ABCA12: variants seen among roughly 807,000 people sequenced by gnomAD.
The protein encoded by ABCA12 is ATP binding cassette subfamily A member 12.
In ABCA12, 156 loss-of-function variants were observed where a neutral mutation model predicts 293.5. The ratio of observed to expected loss-of-function variants is 0.53; its 90% confidence interval spans 0.47 to 0.61. The LOEUF (loss-of-function observed/expected upper bound fraction) is 0.61. ABCA12 is among the 20% of genes least tolerant of loss of function. The pLI is 0.00. For missense variants in ABCA12, 2,797 were observed against 3,090.2 expected (o/e 0.91, Z 2.25); for synonymous variants, 1,063 against 1,108.0 (o/e 0.96, Z 0.81).
chr2:215,071,804 C>T (rs1421933074), intron 2 of ABCA12, among the ~76,000 whole-genome samples: 3 of 152,228 alleles, frequency 2.0e-5, no homozygotes, highest in East Asian at 3.8e-4. Context: ...CTGGCTGTGG[C>T]TTCTCTGCTC....
intron 8 of ABCA12, among the ~76,000 whole-genome samples, chr2:215,033,913 C>G (rs1395549642): frequency 6.6e-6 from 1 of 151,860 alleles, no homozygotes; most frequent in Non-Finnish European, 1.5e-5. Context: ...TGCACTCCAA[C>G]CTGGGCGACG....
At chr2:214,987,029 C>T (rs912426363) in intron 27 of ABCA12, among the ~76,000 whole-genome samples, 1 of 152,074 alleles carries the variant, frequency 6.6e-6, no homozygotes, top group African/African-American at 2.4e-5. Flanking sequence ...AAAGATATGT[C>T]TAAGGCTTGG....
intron 2 of ABCA12, among the ~76,000 whole-genome samples, chr2:215,067,886 T>G (rs1485350404): frequency 6.6e-6 from 1 of 152,134 alleles, no homozygotes; most frequent in Non-Finnish European, 1.5e-5. Flanking sequence ...TTAAAGTAAA[T>G]CAGATTCATT....
At chr2:215,107,817 C>A (rs1378113758) in intron 2 of ABCA12, among the ~76,000 whole-genome samples, 1 of 152,320 alleles carries the variant, frequency 6.6e-6, no homozygotes, top group Middle Eastern at 3.4e-3. Flanking sequence ...GGGATCCATG[C>A]ATGTTGTTAT....
chr2:215,032,321 T>C (rs1370055085), intron 8 of ABCA12: 1 of 217,556 alleles, frequency 4.6e-6, no homozygotes, highest in Non-Finnish European at 9.2e-6. Context: ...GTCTAGAATG[T>C]AGCCTCAGGA....
chr2:214,988,906 T>C (rs1347493424), intron 26 of ABCA12, among the ~76,000 whole-genome samples: 7 of 151,352 alleles, frequency 4.6e-5, no homozygotes, highest in Non-Finnish European at 1.0e-4. Context: ...AGGCCGGGCA[T>C]GGTGGCTCTT....
chr2:215,130,767 T>G (rs973502625), intron 1 of ABCA12, among the ~76,000 whole-genome samples: 1 of 152,124 alleles, frequency 6.6e-6, no homozygotes, highest in African/African-American at 2.4e-5. Flanking sequence ...GCTAGGACTT[T>G]CAGTGCTATG....
chr2:215,098,166 C>T (rs1023057488), intron 2 of ABCA12, among the ~76,000 whole-genome samples: 2 of 152,176 alleles, frequency 1.3e-5, no homozygotes, highest in African/African-American at 2.4e-5. Flanking sequence ...TCATTTGTTT[C>T]TCTTTGCGGT....
At chr2:214,999,777 G>A in intron 22 of ABCA12, 1 of 984,202 alleles carries the variant, frequency 1.0e-6, no homozygotes, top group South Asian at 4.7e-5. Flanking sequence ...TCCACTTGAT[G>A]GACTCCTTAC....
At chr2:215,115,851 G>A (rs898686178) in intron 1 of ABCA12, among the ~76,000 whole-genome samples, 14 of 152,184 alleles carry the variant, frequency 9.2e-5, no homozygotes, top group Admixed American at 7.9e-4. Context: ...GCCTTAGAAG[G>A]GTGAAGAGGA....
intron 1 of ABCA12, among the ~76,000 whole-genome samples, chr2:215,123,858 G>A (rs1296734880): frequency 6.6e-6 from 1 of 151,818 alleles, no homozygotes; most frequent in African/African-American, 2.4e-5. Context: ...TGAGATTTTG[G>A]TGCACCCAGC....
intron 2 of ABCA12, among the ~76,000 whole-genome samples, chr2:215,097,336 T>TA (rs894408606): frequency 6.6e-6 from 1 of 151,856 alleles, no homozygotes; most frequent in African/African-American, 2.4e-5. Context: ...TTTTTTTTTC[T>TA]AAAAAATCTT....
intron 11 of ABCA12, chr2:215,025,405 C>T: frequency 2.5e-6 from 1 of 399,186 alleles, no homozygotes; most frequent in Non-Finnish European, 4.5e-6. Flanking sequence ...AGTGATTCTT[C>T]CCACCTCGGC....
chr2:215,024,543 C>T (rs1042774183), intron 11 of ABCA12, among the ~76,000 whole-genome samples: 25 of 152,142 alleles, frequency 1.6e-4, no homozygotes, highest in African/African-American at 5.6e-4. Flanking sequence ...CAATTTCCTT[C>T]TCATTTGCAC....
At position 215,000,863 on chromosome 2, in the gene ABCA12, T is replaced by C. The variant is rs749508474; in HGVS notation, c.3021A>G (p.Pro1007=). The C allele has an allele frequency of 6.2e-7, 1 of 1,614,202 alleles. No homozygotes were observed. Among genetic ancestry groups the C allele is most frequent in the Non-Finnish European group, 8.5e-7 (1 of 1,180,020 alleles). The part of the protein sequence containing the change: ...SLRTKIWAPG[P]HNSPSHNQIY... ...TCTGGTTGTGTGATGGAGAATTGTG[T>C]GGCCCTGGAGCCCAAATCTTGGTTC... Residue 1007 remains proline (P), a synonymous_variant, in exon 22 of 53, where the codon CCA becomes CCG. Transcript: ENST00000272895.
intron 2 of ABCA12, among the ~76,000 whole-genome samples, chr2:215,089,497 G>A (rs1702099500): frequency 6.6e-6 from 1 of 152,188 alleles, no homozygotes; most frequent in South Asian, 2.1e-4. Flanking sequence ...ATTTACTTCT[G>A]TGTGATTGCT....
At position 214,947,483 on chromosome 2, in the gene ABCA12, C is replaced by G; in HGVS notation, c.7178G>C (p.Gly2393Ala). The G allele has an allele frequency of 6.2e-7, 1 of 1,613,830 alleles. No individual in the cohort carries two copies. The highest frequency in any genetic ancestry group is 8.5e-7 in the Non-Finnish European group (1 of 1,179,874). ...TGCAGTGGATAATTTTCTTTTTGTGCCATAACTGCACATAGAGGTAGCTCT... is the reference window on the plus strand; with the variant it reads ...TGCAGTGGATAATTTTCTTTTTGTGGCATAACTGCACATAGAGGTAGCTCT... ...KDRATSMCSYGTKRKLSTALA... is the reference protein window; with the variant it reads ...KDRATSMCSYATKRKLSTALA... Residue 2393 changes from glycine (G) to alanine (A), a missense_variant, in exon 48 of 53, where the codon GGC becomes GCC. This residue lies in a region of ABCA12 where 2,130 missense variants were observed against 2,427.0 expected (regional missense o/e 0.88). Coordinates refer to ENST00000272895, the MANE Select transcript of ABCA12 (RefSeq NM_173076.3).
chr2:215,011,337 G>T, intron 17 of ABCA12, 102 bp downstream of exon 17: 1 of 882,176 alleles, frequency 1.1e-6, no homozygotes, highest in Non-Finnish European at 1.8e-6. Context: ...TTATTCTTGG[G>T]GAAAATTAAT....
intron 3 of ABCA12, among the ~76,000 whole-genome samples, chr2:215,060,263 G>A (rs1357565): frequency 0.59 from 90,319 of 151,876 alleles, 27,236 homozygotes; most frequent in East Asian, 0.69. Context: ...ATAGGGCAAG[G>A]CATATGCCTC....
Sources: allele counts gnomAD v4.1 joint callset (sites outside exome capture counted in the v4.1 genomes callset), GRCh38; gene constraint gnomAD v4.1.1; regional missense constraint gnomAD v4.1.1; transcripts MANE v1.5; gene names NCBI Gene and HGNC (gene_info 2026-07-23, HGNC 2026-07-21).